TRIM66: variants seen among roughly 807,000 people sequenced by gnomAD.
The protein encoded by TRIM66 is tripartite motif-containing protein 66.
In TRIM66, 99 loss-of-function variants were observed where a neutral mutation model predicts 148.2. That is an observed-to-expected ratio of 0.67 (90% CI 0.57 to 0.79). TRIM66 has a LOEUF of 0.79. TRIM66 is among the 30% of genes least tolerant of loss of function. The pLI is 0.00. For missense variants in TRIM66, 1,666 were observed against 1,697.9 expected, an observed-to-expected ratio of 0.98 and a Z score of 0.33; for synonymous variants, 616 against 635.9, an observed-to-expected ratio of 0.97 and a Z score of 0.47.
chr11:8,626,491 G>T (rs7942680), intron 15 of TRIM66, among the ~76,000 whole-genome samples: 151,302 of 152,342 alleles, frequency 0.99, 75,144 homozygotes, highest in Middle Eastern at 1. Context: ...TCAGATCCTA[G>T]GAAGGAGGCA....
chr11:8,680,758 A>C (rs751582838), intron 1 of TRIM66: 8 of 152,314 alleles, frequency 5.3e-5, no homozygotes, highest in Non-Finnish European at 1.2e-4. Context: ...CAAGAAGACC[A>C]TGTACTGTGA....
chr11:8,650,277 G>C (rs540399708), intron 7 of TRIM66, among the ~76,000 whole-genome samples: 1 of 152,242 alleles, frequency 6.6e-6, no homozygotes, highest in East Asian at 1.9e-4. Flanking sequence ...GGAGACTGAG[G>C]TGGGAAGATC....
intron 8 of TRIM66, among the ~76,000 whole-genome samples, 160 bp downstream of exon 8, chr11:8,649,580 C>T (rs151293452): frequency 1.8e-4 from 27 of 152,292 alleles, no homozygotes; most frequent in African/African-American, 6.0e-4. Context: ...GTGAGTCACC[C>T]CTTTGACTCT....
At chr11:8,626,702 A>T (rs987377142) in intron 15 of TRIM66, among the ~76,000 whole-genome samples, 2 of 152,194 alleles carry the variant, frequency 1.3e-5, no homozygotes, top group African/African-American at 4.8e-5. Context: ...CGATCACATC[A>T]TTTCTTTTCA....
intron 15 of TRIM66, among the ~76,000 whole-genome samples, chr11:8,632,106 G>C (rs909234578): frequency 2.0e-5 from 3 of 152,084 alleles, no homozygotes; most frequent in African/African-American, 4.8e-5. Flanking sequence ...TCAGGAGTTC[G>C]AGACCAGCCT....
Position 8,612,162 on chromosome 11 carries a change from C to G in TRIM66, c.*5782G>C, listed in dbSNP as rs1418985301. 6.6e-6 allele frequency: 1 copy of G among 152,156 alleles called. No homozygotes were observed. The highest frequency in any genetic ancestry group is 2.4e-5 in the African/African-American group (1 of 41,434). The allele number at this position is 152,156 out of a possible 1,614,324, so 9.4% of individuals were successfully genotyped here. ...AACCGCTTAGAATCCAATAGCCACT[C>G]CTAACAAGGGCCTAGGAGGAACTCA... On this transcript the variant is annotated 3_prime_UTR_variant, in exon 25 of 25. Coordinates refer to ENST00000646038, the MANE Select transcript of TRIM66 (RefSeq NM_001388022.1).
chr11:8,643,230 C>T, intron 12 of TRIM66, 104 bp from the exon 13 acceptor site: 1 of 877,620 alleles, frequency 1.1e-6, no homozygotes, highest in Non-Finnish European at 1.7e-6. Flanking sequence ...AGTCATGGCC[C>T]TTTAACCTCT....
chr11:8,621,408 T>C (rs1449747073), intron 19 of TRIM66, 87 bp from the exon 20 acceptor site: 10 of 1,456,638 alleles, frequency 6.9e-6, no homozygotes, highest in Non-Finnish European at 8.2e-6. Context: ...AGGCCCTGCA[T>C]GCCTACATGA....
intron 21 of TRIM66, 72 bp from the exon 22 acceptor site, chr11:8,620,196 C>A (rs2034073872): frequency 2.1e-6 from 3 of 1,423,968 alleles, no homozygotes; most frequent in Admixed American, 2.0e-5. Context: ...AGATGTTGAC[C>A]CTGATAACTC....
At chr11:8,665,718 G>A (rs1328688088) in intron 6 of TRIM66, among the ~76,000 whole-genome samples, 2 of 152,180 alleles carry the variant, frequency 1.3e-5, no homozygotes, top group Non-Finnish European at 2.9e-5. Flanking sequence ...AGCACTTTGG[G>A]AGGCCGAGGC....
At chr11:8,635,917 A>C (rs2035839983) in intron 15 of TRIM66, among the ~76,000 whole-genome samples, 1 of 152,222 alleles carries the variant, frequency 6.6e-6, no homozygotes, top group African/African-American at 2.4e-5. Flanking sequence ...AATGAGAAGC[A>C]GCATTTTCTG....
At chr11:8,651,238 T>A (rs2037328637) in intron 7 of TRIM66, among the ~76,000 whole-genome samples, 1 of 151,808 alleles carries the variant, frequency 6.6e-6, no homozygotes, top group South Asian at 2.1e-4. Context: ...TCAACACAAA[T>A]CAGATACAGG....
chr11:8,646,100 G>A (rs1231727442), intron 11 of TRIM66, among the ~76,000 whole-genome samples: 1 of 152,124 alleles, frequency 6.6e-6, no homozygotes, highest in Non-Finnish European at 1.5e-5. Flanking sequence ...ATATGGAATG[G>A]GTAATAAATG....
Position 8,638,689 on chromosome 11 carries a change from T to C in TRIM66, c.2275A>G (p.Thr759Ala). Residue 759 changes from threonine (T) to alanine (A), a missense_variant, in exon 15 of 25, where the codon ACC becomes GCC. By Grantham distance (58) the Thr-to-Ala change is moderately conservative (BLOSUM62 0). Transcript: ENST00000646038. ...ACATTTGGAGAGGAGTGCTGGATGG[T>C]GCTGTCCACTGGGGGGACACTGAGA... ...TPLSVPPVDS[T>A]IQHSSPNVVR... The C allele has an allele frequency of 6.5e-7, 1 of 1,549,694 alleles. No homozygotes were observed. The highest frequency in any genetic ancestry group is 8.7e-7 in the Non-Finnish European group (1 of 1,146,234).
intron 6 of TRIM66, among the ~76,000 whole-genome samples, chr11:8,661,939 TC>T (rs2038286112): frequency 6.6e-6 from 1 of 152,046 alleles, no homozygotes; most frequent in South Asian, 2.1e-4. Flanking sequence ...AGCAAGCACC[TC>T]CCCCAAAACA....
At chr11:8,626,635 C>T (rs1045464599) in intron 15 of TRIM66, among the ~76,000 whole-genome samples, 1 of 152,232 alleles carries the variant, frequency 6.6e-6, no homozygotes, top group Non-Finnish European at 1.5e-5. Flanking sequence ...ACTTTCACAT[C>T]TCCCTAGACA....
chr11:8,641,702 C>T (rs879529332), intron 13 of TRIM66, among the ~76,000 whole-genome samples: 3 of 152,038 alleles, frequency 2.0e-5, no homozygotes, highest in East Asian at 3.9e-4. Context: ...AATTGTAATC[C>T]CCAGTGTTGG....
chr11:8,656,792 C>T (rs1261616459), intron 6 of TRIM66, among the ~76,000 whole-genome samples: 1 of 152,172 alleles, frequency 6.6e-6, no homozygotes, highest in Non-Finnish European at 1.5e-5. Context: ...GGCAGGCTCA[C>T]CCCGCTTTAA....
chr11:8,628,161 C>A (rs771742813), intron 15 of TRIM66, among the ~76,000 whole-genome samples: 1 of 151,360 alleles, frequency 6.6e-6, no homozygotes. Flanking sequence ...TTTTTCTTTA[C>A]ATTTGTTTTT....
Sources: gnomAD v4.1 joint callset for allele counts (sites outside exome capture counted in the v4.1 genomes callset) on GRCh38, gnomAD v4.1.1 for gene constraint, MANE v1.5 for transcripts, NCBI Gene and HGNC (gene_info 2026-07-23, HGNC 2026-07-21) for gene names.